Variants in CSGALNACT2 observed in about 807,000 individuals in gnomAD.
CSGALNACT2 encodes the protein chondroitin sulfate N-acetylgalactosaminyltransferase 2.
Under a neutral mutation model 55.3 loss-of-function variants are expected in CSGALNACT2, and 35 were observed. The ratio of observed to expected loss-of-function variants is 0.63; its 90% CI spans 0.48 to 0.84. The LOEUF is 0.84. Among genes scored for constraint, CSGALNACT2 ranks in the 40% least tolerant of loss-of-function variants. The pLI is 0.00. For missense variants in CSGALNACT2, 544 were observed against 657.5 expected, an observed-to-expected ratio of 0.83 and a Z score of 1.89; for synonymous variants, 196 against 224.9, an observed-to-expected ratio of 0.87 and a Z score of 1.15.
At chr10:43,169,124 G>T (rs925287444) in intron 6 of CSGALNACT2, among the ~76,000 whole-genome samples, 1 of 152,168 alleles carries the variant, frequency 6.6e-6, no homozygotes, top group African/African-American at 2.4e-5. Flanking sequence ...GGTCGGGGTG[G>T]CTAGGGAGCC....
chr10:43,162,796 T>C, intron 4 of CSGALNACT2: 1 of 906,244 alleles, frequency 1.1e-6, no homozygotes, highest in Non-Finnish European at 1.3e-6. Context: ...TGGGTCTGGC[T>C]GTAGTCTGAG....
intron 4 of CSGALNACT2, among the ~76,000 whole-genome samples, chr10:43,161,889 G>C (rs980768883): frequency 6.6e-6 from 1 of 151,974 alleles, no homozygotes; most frequent in Admixed American, 6.6e-5. Context: ...TTCCCTTCCT[G>C]TCCCTCCTTA....
intron 1 of CSGALNACT2, 122 bp downstream of exon 1, chr10:43,138,689 C>T (rs1230738863): frequency 6.6e-6 from 1 of 152,020 alleles, no homozygotes; most frequent in Non-Finnish European, 1.5e-5. Context: ...GCGGACCGGT[C>T]CTGCGGGGGG....
At chr10:43,167,624 A>G (rs1446121360) in intron 6 of CSGALNACT2, among the ~76,000 whole-genome samples, 1 of 152,166 alleles carries the variant, frequency 6.6e-6, no homozygotes, top group Non-Finnish European at 1.5e-5. Flanking sequence ...TTGCAAAGAT[A>G]GTACAAAGAG....
At chr10:43,168,763 A>C (rs1018560086) in intron 6 of CSGALNACT2, among the ~76,000 whole-genome samples, 9 of 152,158 alleles carry the variant, frequency 5.9e-5, no homozygotes, top group African/African-American at 1.9e-4. Context: ...AATAGGTTCA[A>C]AATGGCAAAC....
At chr10:43,143,503 G>T (rs972275701) in intron 1 of CSGALNACT2, among the ~76,000 whole-genome samples, 2 of 148,344 alleles carry the variant, frequency 1.3e-5, no homozygotes, top group South Asian at 4.3e-4. Context: ...ATGTGTGTGT[G>T]TGTGTGTGTG....
At chr10:43,139,991 C>A (rs1221280029) in intron 1 of CSGALNACT2, among the ~76,000 whole-genome samples, 2 of 151,920 alleles carry the variant, frequency 1.3e-5, no homozygotes, top group Non-Finnish European at 2.9e-5. Flanking sequence ...GTCAGGAGTT[C>A]GAGACCAGCC....
intron 4 of CSGALNACT2, among the ~76,000 whole-genome samples, chr10:43,161,236 A>C (rs547108904): frequency 1.3e-5 from 2 of 152,290 alleles, no homozygotes; most frequent in East Asian, 1.9e-4. Context: ...TTAACTGCCA[A>C]ATTCTTTTCT....
At chr10:43,158,603 T>C (rs973955477) in intron 2 of CSGALNACT2, 112 bp from the exon 3 acceptor site, 1 of 631,114 alleles carries the variant, frequency 1.6e-6, no homozygotes, top group Non-Finnish European at 2.8e-6. Context: ...TAGGTAAAAA[T>C]CCTGCAGGTC....
chr10:43,155,487 A>T lies in CSGALNACT2; in HGVS notation c.338A>T (p.Lys113Ile). The T allele has an allele frequency of 6.2e-7, 1 of 1,614,242 alleles. No homozygotes were observed. Residue 113 changes from lysine to isoleucine, a missense_variant, in exon 2 of 8, where the codon AAA becomes ATA. By Grantham distance (102) the Lys-to-Ile change is moderately radical. Transcript: ENST00000374466. The stretch of plus-strand genomic sequence containing the variant: ...AATGGCATAGGCTATCAGAGCAACA[A>T]AGAGCAAGCACCTAGTGATCTTTTA... ...GANGIGYQSN[K>I]EQAPSDLLEF...
At chr10:43,156,859 A>G (rs1191190204) in intron 2 of CSGALNACT2, among the ~76,000 whole-genome samples, 1 of 152,238 alleles carries the variant, frequency 6.6e-6, no homozygotes, top group Non-Finnish European at 1.5e-5. Flanking sequence ...CTAGTTCCCA[A>G]CAAACAGGCC....
At chr10:43,168,096 A>G (rs1043389246) in intron 6 of CSGALNACT2, among the ~76,000 whole-genome samples, 2 of 152,224 alleles carry the variant, frequency 1.3e-5, no homozygotes, top group Non-Finnish European at 2.9e-5. Flanking sequence ...AATAAATGAA[A>G]GATTTGAGAA....
chr10:43,152,213 C>T (rs1042553498), intron 1 of CSGALNACT2, among the ~76,000 whole-genome samples: 1 of 152,000 alleles, frequency 6.6e-6, no homozygotes, highest in Admixed American at 6.6e-5. Flanking sequence ...GTGAATGAAC[C>T]GTATTCATGA....
chr10:43,171,384 C>A (rs1801116353), intron 6 of CSGALNACT2, among the ~76,000 whole-genome samples: 1 of 148,090 alleles, frequency 6.8e-6, no homozygotes, highest in Non-Finnish European at 1.5e-5. Flanking sequence ...TGGAGTTTCG[C>A]TCTTGTTGCC....
intron 1 of CSGALNACT2, among the ~76,000 whole-genome samples, chr10:43,150,509 A>G (rs1280922204): frequency 6.6e-6 from 1 of 152,114 alleles, no homozygotes; most frequent in Non-Finnish European, 1.5e-5. Flanking sequence ...GTAGGCTGGC[A>G]TATTTTTCTT....
chr10:43,182,509 A>T (rs1043416252), intron 7 of CSGALNACT2, among the ~76,000 whole-genome samples: 1 of 152,078 alleles, frequency 6.6e-6, no homozygotes, highest in Non-Finnish European at 1.5e-5. Flanking sequence ...TCTCAAATTT[A>T]TATCTCCAGC....
intron 7 of CSGALNACT2, among the ~76,000 whole-genome samples, chr10:43,177,317 T>A (rs1839500000): frequency 6.6e-6 from 1 of 152,166 alleles, no homozygotes; most frequent in Non-Finnish European, 1.5e-5. Context: ...ATTTATTAAT[T>A]TAAAGTGTAC....
At chr10:43,153,880 C>A (rs1299750027) in intron 1 of CSGALNACT2, among the ~76,000 whole-genome samples, 1 of 152,044 alleles carries the variant, frequency 6.6e-6, no homozygotes, top group African/African-American at 2.4e-5. Flanking sequence ...TGATTAAATT[C>A]TTCATGTTTT....
intron 7 of CSGALNACT2, among the ~76,000 whole-genome samples, chr10:43,177,821 A>G (rs1839510197): frequency 6.6e-6 from 1 of 152,148 alleles, no homozygotes; most frequent in Non-Finnish European, 1.5e-5. Flanking sequence ...CCTGTGTTTG[A>G]CCTTTTGAGA....
Sources: allele counts gnomAD v4.1 joint callset (sites outside exome capture counted in the v4.1 genomes callset), GRCh38; gene constraint gnomAD v4.1.1; transcripts MANE v1.5; gene names NCBI Gene and HGNC (gene_info 2026-07-23, HGNC 2026-07-21).